The following NLRP5 variants were observed in gnomAD, a reference collection of about 807,000 sequenced individuals.
NLRP5 encodes the protein NLR family pyrin domain containing 5.
NLRP5 carries 93 observed loss-of-function variants against 113.1 expected under a neutral mutation model. That is an observed-to-expected ratio of 0.82 (90% CI 0.70 to 0.98). The LOEUF is 0.98. Ranked by LOEUF, NLRP5 falls within the 50% of genes least tolerant of loss-of-function variation. NLRP5 has a pLI of 0.00. For missense variants in NLRP5, 1,808 were observed against 1,514.3 expected (o/e 1.19, Z -3.22); for synonymous variants, 751 against 600.7 (o/e 1.25, Z -3.66).
intron 3 of NLRP5, among the ~76,000 whole-genome samples, chr19:56,012,849 G>A (rs759503106): frequency 6.6e-5 from 10 of 152,024 alleles, no homozygotes; most frequent in South Asian, 2.1e-4. Flanking sequence ...TTCAAATTTG[G>A]CGTCTGTGTT....
At chr19:56,034,219 T>C (rs541062212) in intron 9 of NLRP5, among the ~76,000 whole-genome samples, 9 of 152,276 alleles carry the variant, frequency 5.9e-5, no homozygotes, top group African/African-American at 2.2e-4. Flanking sequence ...TGAAACTCCA[T>C]CTCTACCAAA....
At position 56,050,400 on chromosome 19, in the gene NLRP5, C is replaced by A; in HGVS notation, c.2958-18C>A. ...GAATGAGCATCACGATCTTCTTTCC[C>A]ATGTGTGTGCCCCACAGGCTGAATC... On this transcript the variant is annotated intron_variant, in intron 11 of 14. Coordinates refer to ENST00000390649, the MANE Select transcript of NLRP5 (RefSeq NM_153447.4). The A allele has an allele frequency of 1.2e-6, 2 of 1,610,862 alleles. No individual in the cohort carries two copies. The highest frequency in any genetic ancestry group is 2.2e-5 in the South Asian group (2 of 90,632).
upstream of NLRP5, among the ~76,000 whole-genome samples, chr19:55,999,500 A>G (rs939225597): frequency 2.0e-5 from 3 of 151,952 alleles, no homozygotes; most frequent in African/African-American, 7.3e-5. Flanking sequence ...GCGCTTGTGT[A>G]CCGTGACATA....
intron 2 of NLRP5, among the ~76,000 whole-genome samples, chr19:56,006,102 A>G (rs1407516765): frequency 6.6e-6 from 1 of 152,250 alleles, no homozygotes; most frequent in Non-Finnish European, 1.5e-5. Context: ...GCCATAAAAA[A>G]GGATGAGTTC....
chr19:56,058,097 G>T, intron 13 of NLRP5, 143 bp from the exon 14 acceptor site: 2 of 630,652 alleles, frequency 3.2e-6, no homozygotes, highest in Non-Finnish European at 5.2e-6. Flanking sequence ...CTGGGAGGCA[G>T]AGCCCACCAG....
At chr19:56,043,255 C>T (rs1983586069) in intron 11 of NLRP5, among the ~76,000 whole-genome samples, 1 of 152,106 alleles carries the variant, frequency 6.6e-6, no homozygotes, top group African/African-American at 2.4e-5. Context: ...TCACCACATC[C>T]ACCCCAGCAT....
At chr19:56,046,249 A>T (rs918359856) in intron 11 of NLRP5, among the ~76,000 whole-genome samples, 2 of 152,174 alleles carry the variant, frequency 1.3e-5, no homozygotes, top group African/African-American at 4.8e-5. Context: ...GTGGTGTATC[A>T]CATTTATTGA....
At chr19:56,022,828 G>A (rs965764778) in intron 6 of NLRP5, among the ~76,000 whole-genome samples, 28 of 152,068 alleles carry the variant, frequency 1.8e-4, no homozygotes, top group Non-Finnish European at 2.5e-4. Context: ...AGGTTCAAGC[G>A]ATGCTCCTGC....
intron 2 of NLRP5, among the ~76,000 whole-genome samples, chr19:56,007,684 T>C (rs1168999602): frequency 4.6e-5 from 7 of 151,056 alleles, no homozygotes; most frequent in African/African-American, 1.7e-4. Flanking sequence ...ATAGAAATCA[T>C]CAAACTTTCC....
intron 8 of NLRP5, 120 bp downstream of exon 8, chr19:56,032,901 C>A: frequency 2.0e-6 from 2 of 1,005,590 alleles, no homozygotes; most frequent in Non-Finnish European, 2.9e-6. Context: ...TAAGTGCCAC[C>A]AAAGGTGTAG....
chr19:56,003,004 G>T (rs1469073430), intron 1 of NLRP5, among the ~76,000 whole-genome samples: 1 of 150,428 alleles, frequency 6.6e-6, no homozygotes, highest in East Asian at 2.0e-4. Context: ...TTACACTGTT[G>T]GTGGGACCGT....
At chr19:56,041,170 G>A in intron 11 of NLRP5, 78 bp downstream of exon 11, 3 of 1,416,434 alleles carry the variant, frequency 2.1e-6, no homozygotes, top group Non-Finnish European at 3.0e-6. Flanking sequence ...GCAGAAGGCA[G>A]TGGGGAGGGG....
Position 56,057,490 on chromosome 19 carries a change from G to T in NLRP5, c.3300-750G>T, listed in dbSNP as rs572728333. On this transcript the variant is annotated intron_variant, in intron 13 of 14. Transcript: ENST00000390649. ...TGTTTCTCAAATGTGTCTCCTTTCC[G>T]CAAGCACAGTGTACAGGTGATTTTT... Among the ~76,000 whole-genome samples, 19 of 152,152 alleles carry T rather than the reference G, an allele frequency of 1.2e-4. No individual in the cohort carries two copies. In the South Asian group the frequency reaches 3.7e-3, roughly 30 times the overall value.
chr19:56,037,693 CAAAAA>C (rs11301032), intron 9 of NLRP5, among the ~76,000 whole-genome samples: 4 of 87,720 alleles, frequency 4.6e-5, no homozygotes, highest in Non-Finnish European at 4.6e-5. Flanking sequence ...GACCCTGTCT[CAAAAA>C]AAAAAAAAAA....
At chr19:56,025,961 A>G (rs1026383142) in intron 6 of NLRP5, among the ~76,000 whole-genome samples, 2 of 152,104 alleles carry the variant, frequency 1.3e-5, no homozygotes, top group African/African-American at 4.8e-5. Context: ...GTGAGTAAGA[A>G]AGTCCATGTT....
chr19:56,055,043 A>G lies in NLRP5; in HGVS notation c.3299+1235A>G, dbSNP rs957980263. On this transcript the variant is annotated intron_variant, in intron 13 of 14. Coordinates refer to ENST00000390649, the MANE Select transcript of NLRP5 (RefSeq NM_153447.4). ...GAGACAGAGTCTTACTCTGTCACCC[A>G]GGCTGGAGTGCAGTGGCACAATCTC... is the stretch of plus-strand genomic sequence containing the variant. Among the ~76,000 whole-genome samples the G allele has an allele frequency of 9.6e-5, 11 of 114,386 alleles. No individual in the cohort carries two copies. In the East Asian group the frequency reaches 2.9e-3, roughly 30 times the overall value. The allele number at this position is 114,386 out of a possible 152,430, so 75.0% of individuals were successfully genotyped here.
Position 56,020,462 on chromosome 19 carries a change from C to T in NLRP5, c.679+31C>T, listed in dbSNP as rs371679032. 138 of 1,605,004 alleles carry T rather than the reference C, an allele frequency of 8.6e-5. 1 individual carries two copies. In the African/African-American group the frequency reaches 1.6e-3, roughly 19 times the overall value. On this transcript the variant is annotated intron_variant, in intron 6 of 14. Coordinates refer to ENST00000390649, the MANE Select transcript of NLRP5 (RefSeq NM_153447.4). ...GAAAATAGATGTATTCCTTGGTTGC[C>T]CTCCTGGAAGAAAGTTGGGTGAAAG...
chr19:55,987,956 C>T, the NLRP5 span: 490 of 1,463,090 alleles, frequency 3.3e-4, 3 homozygotes, highest in African/African-American at 6.1e-3. Context: ...GATCAGTTCC[C>T]ACTCTGACAA....
intron 9 of NLRP5, among the ~76,000 whole-genome samples, chr19:56,034,817 CGTTG>C (rs60945822): frequency 0.15 from 22,901 of 152,012 alleles, 2,917 homozygotes; most frequent in East Asian, 0.65. Flanking sequence ...TCCAGGGACA[CGTTG>C]GTTGGTTGGT....
Sources: allele counts gnomAD v4.1 joint callset (sites outside exome capture counted in the v4.1 genomes callset), GRCh38; gene constraint gnomAD v4.1.1; transcripts MANE v1.5; gene names NCBI Gene and HGNC (gene_info 2026-07-23, HGNC 2026-07-21).